The following PABPC4L variants were observed in gnomAD, a reference collection of about 807,000 sequenced individuals.
PABPC4L encodes the protein poly(A) binding protein cytoplasmic 4 like.
For synonymous variants in PABPC4L, 169 were observed against 164.1 expected, an observed-to-expected ratio of 1.03 and a Z score of -0.23; for missense variants, 452 against 451.4, an observed-to-expected ratio of 1.00 and a Z score of -0.01.
At chr4:134,159,373 G>C in the PABPC4L span, among the ~76,000 whole-genome samples, 1 of 152,096 alleles carries the variant, frequency 6.6e-6, no homozygotes, top group South Asian at 2.1e-4. Flanking sequence ...GTACCCGGCT[G>C]TAACAGAATA....
the PABPC4L span, among the ~76,000 whole-genome samples, chr4:134,113,797 G>A: frequency 6.6e-6 from 1 of 151,822 alleles, no homozygotes; most frequent in Non-Finnish European, 1.5e-5. Context: ...AGAAAGTCAC[G>A]CTAGACAGCA....
At chr4:133,952,946 A>G in the PABPC4L span, among the ~76,000 whole-genome samples, 1 of 152,118 alleles carries the variant, frequency 6.6e-6, no homozygotes, top group African/African-American at 2.4e-5. Context: ...TTTCCCTAGA[A>G]TGTTCTGTGC....
At chr4:134,126,976 T>G in the PABPC4L span, among the ~76,000 whole-genome samples, 1 of 152,086 alleles carries the variant, frequency 6.6e-6, no homozygotes, top group South Asian at 2.1e-4. Flanking sequence ...CTGAGAGCCG[T>G]ATGGGCGCAG....
the PABPC4L span, among the ~76,000 whole-genome samples, chr4:133,961,309 G>C: frequency 6.6e-6 from 1 of 152,112 alleles, no homozygotes; most frequent in Admixed American, 6.5e-5. Context: ...CCAGAAGAGA[G>C]ATAACAATCC....
the PABPC4L span, among the ~76,000 whole-genome samples, chr4:134,122,019 AT>A: frequency 6.6e-6 from 1 of 151,732 alleles, no homozygotes; most frequent in African/African-American, 2.4e-5. Flanking sequence ...TATAATTTTT[AT>A]TTTTTTATAT....
At chr4:134,160,666 A>G in the PABPC4L span, among the ~76,000 whole-genome samples, 1 of 152,012 alleles carries the variant, frequency 6.6e-6, no homozygotes, top group Admixed American at 6.6e-5. Context: ...TGTTGAGGTC[A>G]GAAGTTAGAG....
At chr4:134,046,525 G>T in the PABPC4L span, among the ~76,000 whole-genome samples, 4 of 151,640 alleles carry the variant, frequency 2.6e-5, no homozygotes, top group African/African-American at 9.7e-5. Flanking sequence ...ACTGCAAAGA[G>T]GCCTTCCTCT....
At chr4:134,018,075 A>G in the PABPC4L span, among the ~76,000 whole-genome samples, 1 of 152,056 alleles carries the variant, frequency 6.6e-6, no homozygotes, top group Admixed American at 6.6e-5. Flanking sequence ...ATTCCACCAC[A>G]AAAGAAGTGA....
chr4:134,043,558 A>G, the PABPC4L span, among the ~76,000 whole-genome samples: 830 of 152,258 alleles, frequency 5.5e-3, 7 homozygotes, highest in Middle Eastern at 0.027. Context: ...ATATAAAATA[A>G]TGATGCTAAT....
chr4:133,987,306 A>C, the PABPC4L span, among the ~76,000 whole-genome samples: 2,181 of 152,282 alleles, frequency 0.014, 49 homozygotes, highest in African/African-American at 0.048. Context: ...AAGAAAAGCT[A>C]ACTTTATTCA....
At chr4:133,964,831 G>A in the PABPC4L span, among the ~76,000 whole-genome samples, 1 of 152,030 alleles carries the variant, frequency 6.6e-6, no homozygotes, top group Admixed American at 6.5e-5. Flanking sequence ...TGTAATAAAA[G>A]CCATCTATGA....
At chr4:134,014,696 G>A in the PABPC4L span, among the ~76,000 whole-genome samples, 14 of 151,864 alleles carry the variant, frequency 9.2e-5, no homozygotes, top group Non-Finnish European at 1.8e-4. Context: ...CACGGATGCC[G>A]AGCTTTTGGT....
At chr4:134,068,402 C>A in the PABPC4L span, among the ~76,000 whole-genome samples, 5 of 152,172 alleles carry the variant, frequency 3.3e-5, no homozygotes, top group Admixed American at 6.5e-5. Context: ...TTACTTTGAG[C>A]CTGTTGGTGT....
chr4:134,104,686 C>T, the PABPC4L span, among the ~76,000 whole-genome samples: 1 of 151,574 alleles, frequency 6.6e-6, no homozygotes, highest in Non-Finnish European at 1.5e-5. Flanking sequence ...TTTCACGTCC[C>T]TTTAGTTATC....
the PABPC4L span, among the ~76,000 whole-genome samples, chr4:134,099,087 A>G: frequency 4.6e-5 from 7 of 151,678 alleles, no homozygotes; most frequent in African/African-American, 1.7e-4. Flanking sequence ...TTTGTGAGAA[A>G]CAGGAATCCA....
chr4:134,082,088 ATTCAC>A, the PABPC4L span, among the ~76,000 whole-genome samples: 1 of 152,314 alleles, frequency 6.6e-6, no homozygotes, highest in East Asian at 1.9e-4. Context: ...CAGCGGCATC[ATTCAC>A]TTCAGCAAAT....
At chr4:134,158,294 T>C in the PABPC4L span, among the ~76,000 whole-genome samples, 4 of 152,064 alleles carry the variant, frequency 2.6e-5, no homozygotes, top group Non-Finnish European at 5.9e-5. Flanking sequence ...AACCTACAGA[T>C]ACTTTATTGT....
chr4:134,146,112 A>ATT, the PABPC4L span, among the ~76,000 whole-genome samples: 3,405 of 151,896 alleles, frequency 0.022, 124 homozygotes, highest in African/African-American at 0.077. Flanking sequence ...GTACATGTAT[A>ATT]TTTTATTTAC....
the PABPC4L span, among the ~76,000 whole-genome samples, chr4:134,161,951 T>C: frequency 6.6e-6 from 1 of 152,132 alleles, no homozygotes; most frequent in Non-Finnish European, 1.5e-5. Flanking sequence ...AGCTTTCTCT[T>C]GTTTGTGTGT....
Sources: allele counts gnomAD v4.1 joint callset (sites outside exome capture counted in the v4.1 genomes callset), GRCh38; gene constraint gnomAD v4.1.1; transcripts MANE v1.5; gene names NCBI Gene and HGNC (gene_info 2026-07-23, HGNC 2026-07-21).